TMEM108: variants seen among roughly 807,000 people sequenced by gnomAD.
TMEM108 encodes the protein cancer/testis antigen 124.
TMEM108 carries 12 observed loss-of-function variants against 35.1 expected under a neutral mutation model. The ratio of observed to expected loss-of-function variants is 0.34; its 90% CI spans 0.22 to 0.55. The LOEUF is 0.55. Ranked by LOEUF, TMEM108 falls within the 20% of genes least tolerant of loss-of-function variation. The pLI is 0.89. For missense variants in TMEM108, 680 were observed against 753.3 expected (o/e 0.90, Z 1.14); for synonymous variants, 287 against 308.6 (o/e 0.93, Z 0.73).
intron 2 of TMEM108, among the ~76,000 whole-genome samples, chr3:133,228,585 C>G (rs1946108264): frequency 6.6e-6 from 1 of 152,086 alleles, no homozygotes; most frequent in Middle Eastern, 3.4e-3. Flanking sequence ...TAACACAAAG[C>G]TATTTCTGCT....
rs534242839 is a variant in TMEM108 at position 133,381,471 on chromosome 3, G to T, written c.1450+310G>T. ...AGCTAGCAGTGACATGGTTCACCCAGGATCCCAGAATTAGTGAGAGGCAGG... is the reference window on the plus strand; with the variant it reads ...AGCTAGCAGTGACATGGTTCACCCATGATCCCAGAATTAGTGAGAGGCAGG... On this transcript the variant is annotated intron_variant, in intron 4 of 5. Transcript: ENST00000321871. Among the ~76,000 whole-genome samples, 3 of 152,306 alleles carry T rather than the reference G, an allele frequency of 2.0e-5. No individual in the cohort carries two copies. In the South Asian group the frequency reaches 6.2e-4, roughly 32 times the overall value.
intron 3 of TMEM108, among the ~76,000 whole-genome samples, chr3:133,320,146 A>G (rs2071248660): frequency 1.3e-5 from 2 of 152,286 alleles, no homozygotes; most frequent in African/African-American, 2.4e-5. Flanking sequence ...AGACCATACT[A>G]GCTCCCCAGC....
intron 2 of TMEM108, among the ~76,000 whole-genome samples, chr3:133,200,379 G>C (rs767080905): frequency 3.3e-5 from 5 of 152,166 alleles, no homozygotes; most frequent in Non-Finnish European, 7.4e-5. Context: ...ACCTGAACCA[G>C]AAAGCGAGCT....
rs148440434 is a variant in TMEM108 at position 133,064,665 on chromosome 3, T to C, written c.-47+18645T>C. Among the ~76,000 whole-genome samples the C allele has an allele frequency of 2.4e-3, 362 of 152,096 alleles. 3 individuals are homozygous for C. Among genetic ancestry groups the C allele is most frequent in the African/African-American group, 8.3e-3 (344 of 41,488 alleles). On this transcript the variant is annotated intron_variant, in intron 2 of 5. Coordinates refer to ENST00000321871, the MANE Select transcript of TMEM108 (RefSeq NM_023943.4). ...TTGAGTCACAATTTTCAAAACATAG[T>C]GAAGGACCAAATGGGAATATAAAGG...
At chr3:133,383,308 C>T (rs2073061590) in intron 4 of TMEM108, among the ~76,000 whole-genome samples, 1 of 152,200 alleles carries the variant, frequency 6.6e-6, no homozygotes, top group Admixed American at 6.5e-5. Context: ...ACAGTGACTC[C>T]AGCTGTCCTC....
intron 2 of TMEM108, among the ~76,000 whole-genome samples, chr3:133,101,430 A>AGG (rs776730722): frequency 4.3e-4 from 65 of 152,292 alleles, no homozygotes; most frequent in Non-Finnish European, 8.1e-4. Flanking sequence ...TTACATAGGA[A>AGG]TTCATCACAT....
At position 133,396,132 on chromosome 3, in the gene TMEM108, T is replaced by A; in HGVS notation, c.*146T>A. 2.3e-6 allele frequency: 1 copy of A among 428,360 alleles called. No individual in the cohort carries two copies. Among genetic ancestry groups the A allele is most frequent in the Non-Finnish European group, 3.2e-6 (1 of 309,944 alleles). The allele number at this position is 428,360 out of a possible 1,614,324, so 26.5% of individuals were successfully genotyped here. On this transcript the variant is annotated 3_prime_UTR_variant, in exon 6 of 6. Transcript: ENST00000321871. The stretch of plus-strand genomic sequence containing the variant: ...TTTTTTCCTATGAATTGTCAACATC[T>A]TTTTTACAAGTGTGGTTTAAAAAAA...
intron 3 of TMEM108, among the ~76,000 whole-genome samples, chr3:133,289,983 C>T (rs1947039788): frequency 1.3e-5 from 2 of 152,146 alleles, no homozygotes; most frequent in African/African-American, 4.8e-5. Context: ...TACTATGTTC[C>T]AAGCACTGTG....
In TMEM108 at chr3:133,053,252, A is replaced by G. The variant is rs187766645; in HGVS notation, c.-47+7232A>G. Among the ~76,000 whole-genome samples the G allele has an allele frequency of 4.1e-4, 62 of 152,314 alleles. 1 individual carries two copies. The highest frequency in any genetic ancestry group is 1.8e-3 in the Admixed American group (27 of 15,298). On this transcript the variant is annotated intron_variant, in intron 2 of 5. Transcript: ENST00000321871. ...TTTTATTTTGATTCACTGCAGCTAA[A>G]TCTCCTACATCTACTTGAAAGTAGA... is the stretch of plus-strand genomic sequence containing the variant.
At chr3:133,264,176 T>A (rs192238706) in intron 3 of TMEM108, among the ~76,000 whole-genome samples, 3,340 of 152,018 alleles carry the variant, frequency 0.022, 59 homozygotes, top group South Asian at 0.054. Flanking sequence ...AACTTTTTTT[T>A]AAAAAATTAG....
At chr3:133,233,218 T>C (rs1318492486) in intron 3 of TMEM108, among the ~76,000 whole-genome samples, 2 of 151,710 alleles carry the variant, frequency 1.3e-5, no homozygotes, top group Admixed American at 1.3e-4. Flanking sequence ...GTCCCCAGAG[T>C]GTGATGTTCC....
intron 3 of TMEM108, among the ~76,000 whole-genome samples, chr3:133,351,381 C>T (rs532556698): frequency 2.2e-4 from 34 of 152,264 alleles, no homozygotes; most frequent in African/African-American, 7.7e-4. Context: ...CCACCGGCTC[C>T]TTCCTCTCCC....
chr3:133,122,931 C>T (rs1944371812), intron 2 of TMEM108, among the ~76,000 whole-genome samples: 1 of 151,940 alleles, frequency 6.6e-6, no homozygotes, highest in African/African-American at 2.4e-5. Context: ...GTTTTCCTTC[C>T]TATTGTCTCA....
At chr3:133,274,734 G>A (rs940811302) in intron 3 of TMEM108, among the ~76,000 whole-genome samples, 3 of 152,138 alleles carry the variant, frequency 2.0e-5, no homozygotes, top group African/African-American at 7.2e-5. Context: ...ATTTCCCTGG[G>A]TGACAAGTAT....
chr3:133,104,717 C>T (rs1344432576), intron 2 of TMEM108, among the ~76,000 whole-genome samples: 1 of 152,176 alleles, frequency 6.6e-6, no homozygotes, highest in Non-Finnish European at 1.5e-5. Flanking sequence ...CCTGCCTAAT[C>T]ACTGACATTT....
intron 3 of TMEM108, among the ~76,000 whole-genome samples, chr3:133,359,803 A>G (rs1193292837): frequency 6.6e-6 from 1 of 152,192 alleles, no homozygotes; most frequent in East Asian, 1.9e-4. Flanking sequence ...TTCAATAGAC[A>G]CTTACCATGT....
At chr3:133,225,504 A>T (rs1348881693) in intron 2 of TMEM108, among the ~76,000 whole-genome samples, 1 of 152,148 alleles carries the variant, frequency 6.6e-6, no homozygotes, top group Non-Finnish European at 1.5e-5. Context: ...CCCTGAAAGG[A>T]ATTCTTCTGA....
chr3:133,044,455 A>T (rs1306685511), intron 1 of TMEM108, among the ~76,000 whole-genome samples: 5 of 152,360 alleles, frequency 3.3e-5, no homozygotes, highest in Non-Finnish European at 2.9e-5. Flanking sequence ...TGCCAGGATA[A>T]TAATTCTTTA....
At chr3:133,232,231 G>C (rs1054405250) in intron 3 of TMEM108, among the ~76,000 whole-genome samples, 1 of 152,156 alleles carries the variant, frequency 6.6e-6, no homozygotes, top group African/African-American at 2.4e-5. Flanking sequence ...TTGGGTCATG[G>C]AGGTGGATCT....
Sources: allele counts gnomAD v4.1 joint callset (sites outside exome capture counted in the v4.1 genomes callset), GRCh38; gene constraint gnomAD v4.1.1; transcripts MANE v1.5; gene names NCBI Gene and HGNC (gene_info 2026-07-23, HGNC 2026-07-21).